Variants in MTA3 observed in about 807,000 individuals in gnomAD.
The protein encoded by MTA3 is metastasis-associated protein MTA3.
MTA3 carries 34 observed loss-of-function variants against 83.5 expected under a neutral mutation model. That is an observed-to-expected ratio of 0.41 (90% confidence interval 0.31 to 0.54). The LOEUF (loss-of-function observed/expected upper bound fraction) is 0.54, where lower values mean the gene tolerates loss of function less well. MTA3 is among the 20% of genes least tolerant of loss of function. MTA3 has a pLI of 0.33. For missense variants in MTA3, 761 were observed against 726.4 expected (o/e 1.05, Z -0.55); for synonymous variants, 303 against 252.7 (o/e 1.20, Z -1.89).
chr2:42,642,843 C>T (rs1001739115), intron 5 of MTA3, among the ~76,000 whole-genome samples: 5 of 152,020 alleles, frequency 3.3e-5, no homozygotes, highest in African/African-American at 4.8e-5. Flanking sequence ...CGGGATTTCA[C>T]CATGTTGGCG....
At chr2:42,523,676 G>C (rs1200080221) in intron 2 of MTA3, among the ~76,000 whole-genome samples, 3 of 152,158 alleles carry the variant, frequency 2.0e-5, no homozygotes, top group Non-Finnish European at 1.5e-5. Context: ...ACTTTGAGAG[G>C]CCGAGGCAGT....
chr2:42,620,032 A>G (rs539561118), intron 4 of MTA3, among the ~76,000 whole-genome samples: 18 of 152,082 alleles, frequency 1.2e-4, no homozygotes, highest in Non-Finnish European at 2.6e-4. Context: ...ATAACATCAG[A>G]TTAACCATTA....
At chr2:42,548,192 C>CT (rs1321564466) in intron 2 of MTA3, among the ~76,000 whole-genome samples, 5 of 152,124 alleles carry the variant, frequency 3.3e-5, no homozygotes, top group African/African-American at 1.2e-4. Context: ...GGGCCGGGCG[C>CT]GCTGGCTCAT....
chr2:42,727,366 A>G (rs903112029), intron 16 of MTA3, among the ~76,000 whole-genome samples: 2 of 152,202 alleles, frequency 1.3e-5, no homozygotes, highest in Non-Finnish European at 2.9e-5. Flanking sequence ...TCGGTCCAGC[A>G]GTGTGCCGTA....
chr2:42,712,916 A>G (rs1666743790), intron 14 of MTA3: 1 of 151,922 alleles, frequency 6.6e-6, no homozygotes, highest in Non-Finnish European at 1.5e-5. Context: ...TAAAAAAGCT[A>G]TGTATGGGAG....
intron 4 of MTA3, among the ~76,000 whole-genome samples, chr2:42,618,593 G>A (rs557326972): frequency 6.6e-6 from 1 of 152,020 alleles, no homozygotes; most frequent in African/African-American, 2.4e-5. Context: ...TGACATTTTG[G>A]TATATCATTA....
Position 42,726,552 on chromosome 2 carries a change from G to A in MTA3, c.1759+3517G>A, listed in dbSNP as rs1667834338. On this transcript the variant is annotated intron_variant, in intron 16 of 16. Coordinates refer to ENST00000405094, the MANE Select transcript of MTA3 (RefSeq NM_001330442.2). ...CCCAGAGTGTGATGTTCCCCTTCCT[G>A]TGTCCATGTGTTCTCATTGTTCAAT... is the stretch of plus-strand genomic sequence containing the variant. Among the ~76,000 whole-genome samples the A allele has an allele frequency of 2.6e-5, 4 of 151,800 alleles. No individual in the cohort carries two copies. In the South Asian group the frequency reaches 8.3e-4, roughly 32 times the overall value.
chr2:42,591,443 C>T (rs1680979056), intron 3 of MTA3, among the ~76,000 whole-genome samples: 1 of 152,076 alleles, frequency 6.6e-6, no homozygotes, highest in Non-Finnish European at 1.5e-5. Flanking sequence ...TTAGGCAACA[C>T]TAAATTTATG....
At chr2:42,659,953 T>C in intron 8 of MTA3, 91 bp downstream of exon 8, 2 of 930,172 alleles carry the variant, frequency 2.2e-6, no homozygotes, top group Non-Finnish European at 3.0e-6. Flanking sequence ...GACCGGGAGC[T>C]TTTGGGCTCT....
intron 2 of MTA3, among the ~76,000 whole-genome samples, chr2:42,499,742 C>G (rs1674310058): frequency 1.4e-5 from 2 of 147,106 alleles, no homozygotes; most frequent in Admixed American, 6.8e-5. Flanking sequence ...GAGCTGAGAT[C>G]AAGGCAATGC....
intron 2 of MTA3, among the ~76,000 whole-genome samples, chr2:42,502,531 G>A (rs2103645905): frequency 6.6e-6 from 1 of 152,220 alleles, no homozygotes; most frequent in African/African-American, 2.4e-5. Context: ...GGGTGCGGCG[G>A]CTCATGCCTG....
At chr2:42,561,637 C>A (rs1677680225) in intron 2 of MTA3, among the ~76,000 whole-genome samples, 1 of 152,012 alleles carries the variant, frequency 6.6e-6, no homozygotes, top group Non-Finnish European at 1.5e-5. Flanking sequence ...GTGTCCTTTT[C>A]TCTTAGCACT....
chr2:42,726,786 A>G (rs1424679263), intron 16 of MTA3, among the ~76,000 whole-genome samples: 1 of 152,168 alleles, frequency 6.6e-6, no homozygotes, highest in Admixed American at 6.6e-5. Flanking sequence ...AGGCCTTGGT[A>G]TGGACTGGGT....
At chr2:42,581,519 C>T (rs1198660718) in intron 3 of MTA3, among the ~76,000 whole-genome samples, 3 of 151,258 alleles carry the variant, frequency 2.0e-5, no homozygotes, top group Non-Finnish European at 2.9e-5. Flanking sequence ...AGTACAGGCG[C>T]ATCTCACCGT....
intron 2 of MTA3, among the ~76,000 whole-genome samples, chr2:42,533,927 T>C (rs1226596635): frequency 6.6e-6 from 1 of 152,156 alleles, no homozygotes; most frequent in Non-Finnish European, 1.5e-5. Context: ...ACTTTTTCTG[T>C]TGTGGCTACC....
intron 3 of MTA3, among the ~76,000 whole-genome samples, chr2:42,606,102 C>G (rs1404900821): frequency 7.6e-6 from 1 of 131,924 alleles, no homozygotes; most frequent in African/African-American, 2.8e-5. Flanking sequence ...GACGGGGTGG[C>G]TGGCCGGGCT....
intron 4 of MTA3, among the ~76,000 whole-genome samples, chr2:42,631,915 C>T (rs934469046): frequency 2.0e-5 from 3 of 152,054 alleles, no homozygotes; most frequent in Non-Finnish European, 2.9e-5. Context: ...GTCTTGAGCT[C>T]CTGACCTCAG....
At chr2:42,645,226 TA>T (rs113085756) in intron 6 of MTA3, among the ~76,000 whole-genome samples, 30 of 104,546 alleles carry the variant, frequency 2.9e-4, no homozygotes, top group African/African-American at 8.8e-4. Context: ...ACATGAATGA[TA>T]AAAAAAAGCA....
upstream of MTA3, among the ~76,000 whole-genome samples, chr2:42,494,397 G>C (rs1674034143): frequency 6.6e-6 from 1 of 152,214 alleles, no homozygotes; most frequent in Non-Finnish European, 1.5e-5. Flanking sequence ...CGTTTGGAGA[G>C]CTTTTTCCAG....
Sources: allele counts gnomAD v4.1 joint callset (sites outside exome capture counted in the v4.1 genomes callset), GRCh38; gene constraint gnomAD v4.1.1; transcripts MANE v1.5; gene names NCBI Gene and HGNC (gene_info 2026-07-23, HGNC 2026-07-21).